Variants in ECE1 observed in about 807,000 individuals in gnomAD.
The protein encoded by ECE1 is endothelin converting enzyme 1.
In ECE1, 35 loss-of-function variants were observed where a neutral mutation model predicts 98.6. That is an observed-to-expected ratio of 0.35 (90% CI 0.27 to 0.47). The LOEUF is 0.47. Among genes scored for constraint, ECE1 ranks in the 20% least tolerant of loss-of-function variants. The pLI, the probability that ECE1 is intolerant of heterozygous loss-of-function variation, is 1.00. For missense variants in ECE1, 814 were observed against 1,025.3 expected, an observed-to-expected ratio of 0.79 and a Z score of 2.81; for synonymous variants, 394 against 407.1, an observed-to-expected ratio of 0.97 and a Z score of 0.39.
rs957508311 is a variant in ECE1 at position 21,225,509 on chromosome 1, G to C, written c.1850-69C>G. The C allele has an allele frequency of 1.4e-4, 225 of 1,553,816 alleles. No individual in the cohort carries two copies. Among genetic ancestry groups the C allele is most frequent in the Non-Finnish European group, 9.7e-5 (111 of 1,142,216 alleles). ...CAGCAGGGACCTGCTGCTCCTCCCT[G>C]CTCCTGGTGAGAAGCGGTTCATCCG... is the stretch of plus-strand genomic sequence containing the variant. On this transcript the variant is annotated intron_variant, in intron 16 of 18. Coordinates refer to ENST00000374893, the MANE Select transcript of ECE1 (RefSeq NM_001397.3). The surrounding 1 kb of genome is among the most constrained non-coding windows in gnomAD (Gnocchi z 5.3).
chr1:21,237,590 T>C (rs1430324150), intron 11 of ECE1, among the ~76,000 whole-genome samples: 1 of 152,182 alleles, frequency 6.6e-6, no homozygotes, highest in Non-Finnish European at 1.5e-5. Context: ...CCTTATTGTA[T>C]GCCGGTGCCC....
intron 10 of ECE1, among the ~76,000 whole-genome samples, chr1:21,244,342 C>T (rs777531700): frequency 6.6e-5 from 10 of 152,188 alleles, no homozygotes; most frequent in Non-Finnish European, 1.0e-4. Flanking sequence ...TCAGTATTCC[C>T]GTACTGGGCT....
rs138205122 is a variant in ECE1, at chr1:21,270,988, A to G, written c.493+1711T>C. Among the ~76,000 whole-genome samples, 707 of 152,348 alleles carry G rather than the reference A, an allele frequency of 4.6e-3. 3 individuals carry two copies. Among genetic ancestry groups the G allele is most frequent in the African/African-American group, 0.016 (673 of 41,578 alleles). On this transcript the variant is annotated intron_variant, in intron 4 of 18. Coordinates refer to ENST00000374893, the MANE Select transcript of ECE1 (RefSeq NM_001397.3). ...GTCGTCCTTGAGTTCCAGTCTTGCAATGATAGACATATTTGCCTTTTAAGT... is the reference window on the plus strand; with the variant it reads ...GTCGTCCTTGAGTTCCAGTCTTGCAGTGATAGACATATTTGCCTTTTAAGT...
At chr1:21,288,433 G>A (rs200844509) in intron 2 of ECE1, among the ~76,000 whole-genome samples, 1 of 152,234 alleles carries the variant, frequency 6.6e-6, no homozygotes, top group African/African-American at 2.4e-5. Flanking sequence ...GCCCAAGGTC[G>A]TGAGTGGAGT....
chr1:21,320,270 A>G (rs213019), intron 1 of ECE1, among the ~76,000 whole-genome samples: 60,243 of 152,034 alleles, frequency 0.4, 13,569 homozygotes, highest in African/African-American at 0.63. Flanking sequence ...TATGGGCTCA[A>G]ACAGGTCACC....
chr1:21,227,207 T>C lies in ECE1; in HGVS notation c.1801A>G (p.Ile601Val). The C allele has an allele frequency of 6.2e-7, 1 of 1,614,110 alleles. No individual in the cohort carries two copies. The highest frequency in any genetic ancestry group is 8.5e-7 in the Non-Finnish European group (1 of 1,179,962). The stretch of plus-strand genomic sequence containing the variant: ...AGCTCATGGCCCACGACGACACCTA[T>C]GCCACCAAAGTTTAAGGCCCTGGAG... ...SSPKALNFGG[I>V]GVVVGHELTH... Residue 601 changes from isoleucine (I) to valine (V), a missense_variant, in exon 16 of 19, where the codon ATA (isoleucine) becomes GTA (valine). Coordinates refer to ENST00000374893, the MANE Select transcript of ECE1 (RefSeq NM_001397.3).
At position 21,227,232 on chromosome 1, in the gene ECE1, G is replaced by A. The variant is rs373362039; in HGVS notation, c.1782-6C>T. On this transcript the variant is annotated splice_polypyrimidine_tract_variant and splice_region_variant and intron_variant, in intron 15 of 18. Transcript: ENST00000374893. ...TGCCACCAAAGTTTAAGGCCCTGGAGGGAAAGACACAAAGGTAGAGATGAT... is the reference window on the plus strand; with the variant it reads ...TGCCACCAAAGTTTAAGGCCCTGGAAGGAAAGACACAAAGGTAGAGATGAT... 5 of 1,613,724 alleles carry A rather than the reference G, an allele frequency of 3.1e-6. No homozygotes were observed. The highest frequency in any genetic ancestry group is 1.3e-5 in the African/African-American group (1 of 74,912).
At chr1:21,227,489 T>A (rs2098175851) in intron 15 of ECE1, among the ~76,000 whole-genome samples, 1 of 152,204 alleles carries the variant, frequency 6.6e-6, no homozygotes. Flanking sequence ...ACTGTCCTCT[T>A]CAGTCATTGC....
chr1:21,310,944 T>G (rs1638711012), intron 1 of ECE1, among the ~76,000 whole-genome samples: 1 of 152,038 alleles, frequency 6.6e-6, no homozygotes, highest in South Asian at 2.1e-4. Context: ...TACAAAAACA[T>G]GTTGACAAGG....
intron 10 of ECE1, among the ~76,000 whole-genome samples, chr1:21,239,885 T>C (rs2098193803): frequency 6.6e-6 from 1 of 152,048 alleles, no homozygotes; most frequent in East Asian, 1.9e-4. Context: ...GTCAAACTCA[T>C]TGAGGCCAAG....
intron 4 of ECE1, chr1:21,266,483 C>T (rs910019244): frequency 4.6e-5 from 7 of 152,306 alleles, no homozygotes; most frequent in African/African-American, 1.7e-4. Context: ...ACTGCCACCG[C>T]TCACAGCATC....
chr1:21,236,008 G>T (rs1482066562), intron 12 of ECE1, 81 bp from the exon 13 acceptor site: 3 of 1,363,994 alleles, frequency 2.2e-6, no homozygotes, highest in Admixed American at 1.7e-5. Flanking sequence ...TGGGCTCATA[G>T]TCTGGGCCAA....
intron 1 of ECE1, among the ~76,000 whole-genome samples, chr1:21,341,798 C>T (rs780837047): frequency 1.3e-5 from 2 of 151,836 alleles, no homozygotes; most frequent in African/African-American, 2.4e-5. Context: ...AACAGTAACG[C>T]TTCTCCCTAC....
rs993591007 is a variant in ECE1 at position 21,217,783 on chromosome 1, A to C, written c.*2172T>G. 1 of 152,388 alleles carries C rather than the reference A, an allele frequency of 6.6e-6. No individual in the cohort carries two copies. Among genetic ancestry groups the C allele is most frequent in the South Asian group, 2.1e-4 (1 of 4,838 alleles). 9.4% of individuals were successfully genotyped at this position (152,388 alleles called of 1,614,324 possible). A position where few individuals can be genotyped will look rare whatever the true frequency, so the allele number is the denominator to read the frequency against. On this transcript the variant is annotated 3_prime_UTR_variant, in exon 19 of 19. Transcript: ENST00000374893. ...GGGTTCCTGTCTCCTCTGCAGAGCT[A>C]CCAGGACTGCTGCGTGCTGGGACCA... is the stretch of plus-strand genomic sequence containing the variant.
intron 12 of ECE1, 95 bp downstream of exon 12, chr1:21,236,651 A>G (rs2098188546): frequency 1.6e-6 from 2 of 1,282,078 alleles, no homozygotes; most frequent in South Asian, 1.2e-5. Flanking sequence ...CTCTGCCTCA[A>G]AAAACAAACA....
intron 4 of ECE1, among the ~76,000 whole-genome samples, chr1:21,262,240 G>T (rs548405952): frequency 6.6e-6 from 1 of 152,256 alleles, no homozygotes; most frequent in Non-Finnish European, 1.5e-5. Context: ...GGTTCGTACA[G>T]CCCTGGAGAC....
At chr1:21,306,454 G>T (rs1323394686) in intron 1 of ECE1, among the ~76,000 whole-genome samples, 1 of 151,468 alleles carries the variant, frequency 6.6e-6, no homozygotes, top group Non-Finnish European at 1.5e-5. Context: ...CTCCCGCCTC[G>T]GCCTCTTGAG....
At chr1:21,274,373 G>C (rs1034526730) in intron 3 of ECE1, among the ~76,000 whole-genome samples, 2 of 152,222 alleles carry the variant, frequency 1.3e-5, no homozygotes, top group Non-Finnish European at 2.9e-5. Context: ...GGTGGGCTTT[G>C]GAGGCCACTA....
At chr1:21,237,286 C>T (rs2098189562) in intron 11 of ECE1, among the ~76,000 whole-genome samples, 1 of 152,102 alleles carries the variant, frequency 6.6e-6, no homozygotes, top group Non-Finnish European at 1.5e-5. Context: ...TCGGAAATAC[C>T]ATGCTCAGGC....
Sources: gnomAD v4.1 joint callset for allele counts (sites outside exome capture counted in the v4.1 genomes callset) on GRCh38, gnomAD v4.1.1 for gene constraint, Gnocchi (gnomAD v3.1) non-coding constraint, MANE v1.5 for transcripts, NCBI Gene and HGNC (gene_info 2026-07-23, HGNC 2026-07-21) for gene names.